The following ST8SIA5 variants were observed in gnomAD, a reference collection of about 807,000 sequenced individuals.
ST8SIA5 encodes the protein alpha-2,8-sialyltransferase 8E.
ST8SIA5 carries 24 observed loss-of-function variants against 40.2 expected under a neutral mutation model. The observed-to-expected ratio is 0.60, with a 90% CI of 0.43 to 0.84. The LOEUF is 0.84. Among genes scored for constraint, ST8SIA5 ranks in the 40% least tolerant of loss-of-function variants. The pLI, the probability that ST8SIA5 is intolerant of heterozygous loss-of-function variation, is 0.00. For synonymous variants in ST8SIA5, 198 were observed against 201.8 expected (o/e 0.98, Z 0.16); for missense variants, 465 against 498.5 (o/e 0.93, Z 0.64).
chr18:46,699,375 C>T (rs2039587940), intron 2 of ST8SIA5, among the ~76,000 whole-genome samples: 2 of 151,852 alleles, frequency 1.3e-5, no homozygotes, highest in African/African-American at 4.8e-5. Flanking sequence ...CTTCTTTCTC[C>T]CTCTTTTTTT....
At chr18:46,748,446 C>G (rs191231542) in intron 1 of ST8SIA5, among the ~76,000 whole-genome samples, 1 of 151,020 alleles carries the variant, frequency 6.6e-6, no homozygotes, top group Non-Finnish European at 1.5e-5. Flanking sequence ...TACCTGTAAT[C>G]CCAGCTACTC....
At chr18:46,697,863 C>T (rs1018339324) in intron 2 of ST8SIA5, among the ~76,000 whole-genome samples, 22 of 151,952 alleles carry the variant, frequency 1.4e-4, no homozygotes, top group African/African-American at 4.8e-4. Flanking sequence ...AAAAAGATTC[C>T]ACATTTCAGA....
chr18:46,678,546 C>G lies in ST8SIA5; in HGVS notation c.*1496G>C, dbSNP rs571201544. 1 of 152,378 alleles carries G rather than the reference C, an allele frequency of 6.6e-6. No homozygotes were observed. The highest frequency in any genetic ancestry group is 2.4e-5 in the African/African-American group (1 of 41,554). 9.4% of individuals were successfully genotyped at this position (152,378 alleles called of 1,614,324 possible). ...GGGTCTATAATCTCTGGGCCCTGCA[C>G]CCCCAGAAGACACAGATAATGCCTT... On this transcript the variant is annotated 3_prime_UTR_variant, in exon 7 of 7. Coordinates refer to ENST00000315087, the MANE Select transcript of ST8SIA5 (RefSeq NM_013305.6).
chr18:46,710,440 T>C (rs563756657), intron 1 of ST8SIA5, among the ~76,000 whole-genome samples: 2 of 151,342 alleles, frequency 1.3e-5, no homozygotes, highest in East Asian at 3.9e-4. Flanking sequence ...TCTTTCTTTT[T>C]CTTTTTCTTT....
rs752731256 is a variant in ST8SIA5 at position 46,686,816 on chromosome 18, C to CAAA, written c.457-533_457-531dup. 2.1e-3 allele frequency among the ~76,000 whole-genome samples: 257 copies of CAAA among 120,990 alleles called. 1 individual carries two copies. Among genetic ancestry groups the CAAA allele is most frequent in the Non-Finnish European group, 3.2e-3 (189 of 58,894 alleles). The allele number at this position is 120,990 out of a possible 152,430, so 79.4% of individuals were successfully genotyped here. A position where few individuals can be genotyped will look rare whatever the true frequency, so the allele number is the denominator to read the frequency against. Reference sequence around the variant, plus strand: ...CTATTAGACTTGTACCAGAGAAAGGCAAAAAAAAAAAAAAAAATAGTCATT... The same window carrying CAAA: ...CTATTAGACTTGTACCAGAGAAAGGCAAAAAAAAAAAAAAAAAAAATAGTCATT... On this transcript the variant is annotated intron_variant, in intron 4 of 6. Transcript: ENST00000315087.
Position 46,714,425 on chromosome 18 carries a change from G to C in ST8SIA5, c.132-9761C>G, listed in dbSNP as rs186769371. Among the ~76,000 whole-genome samples, 127 of 152,326 alleles carry C rather than the reference G, an allele frequency of 8.3e-4. 1 individual carries two copies. The highest frequency in any genetic ancestry group is 3.0e-3 in the African/African-American group (124 of 41,572). ...AAATTCTCAAAGATGGTCTACAAGG[G>C]AGGAAGCACAGGATCGTGAAGAAGG... On this transcript the variant is annotated intron_variant, in intron 1 of 6. Coordinates refer to ENST00000315087, the MANE Select transcript of ST8SIA5 (RefSeq NM_013305.6).
rs370776863 is a variant in ST8SIA5, at chr18:46,680,178, T to C, written c.995A>G (p.Tyr332Cys). The C allele has an allele frequency of 2.8e-5, 45 of 1,614,068 alleles. No individual in the cohort carries two copies. Among genetic ancestry groups the C allele is most frequent in the Non-Finnish European group, 3.3e-5 (39 of 1,180,022 alleles). ...WAFPMNPSGLYITHHYYDNVK... is the reference protein window; with the variant it reads ...WAFPMNPSGLCITHHYYDNVK... ...GTTGTCATAGTAGTGGTGAGTGATG[T>C]AGAGGCCCGAGGGGTTCATGGGGAA... Residue 332 changes from tyrosine (Y) to cysteine (C), a missense_variant, in exon 7 of 7, where the codon TAC becomes TGC. Tyr to Cys is a radical substitution (Grantham distance 194). Transcript: ENST00000315087.
rs2039359590 is a variant in ST8SIA5 at position 46,679,117 on chromosome 18, G to C, written c.*925C>G. 6.6e-6 allele frequency: 1 copy of C among 152,254 alleles called. No individual in the cohort carries two copies. The allele number at this position is 152,254 out of a possible 1,614,324, so 9.4% of individuals were successfully genotyped here. On this transcript the variant is annotated 3_prime_UTR_variant, in exon 7 of 7. Transcript: ENST00000315087. The stretch of plus-strand genomic sequence containing the variant: ...ACAGCAGGATTCTGCAGGATTCAGA[G>C]ACATGAGAGGAAGAGGTCTTTATAA...
rs1386276293 is a variant in ST8SIA5 at position 46,674,494 on chromosome 18, T to C, written c.*5548A>G. ...ACAATTTCCCCAAGGTGTTACTCAG[T>C]TTATTAGCGGGGTATCCTGAACTGC... On this transcript the variant is annotated 3_prime_UTR_variant, in exon 7 of 7. Transcript: ENST00000315087. 2 of 152,120 alleles carry C rather than the reference T, an allele frequency of 1.3e-5. No homozygotes were observed. Among genetic ancestry groups the C allele is most frequent in the African/African-American group, 2.4e-5 (1 of 41,404 alleles). 9.4% of individuals were successfully genotyped at this position (152,120 alleles called of 1,614,324 possible). A position where few individuals can be genotyped will look rare whatever the true frequency, so the allele number is the denominator to read the frequency against.
intron 1 of ST8SIA5, among the ~76,000 whole-genome samples, chr18:46,708,299 T>C: frequency 6.6e-6 from 1 of 152,124 alleles, no homozygotes; most frequent in Admixed American, 6.5e-5. Context: ...ACATCCTCCT[T>C]CTGCTGTGAT....
rs904129608 is a variant in ST8SIA5, at chr18:46,672,885, C to G, written c.*7157G>C. 1 of 152,240 alleles carries G rather than the reference C, an allele frequency of 6.6e-6. No homozygotes were observed. Among genetic ancestry groups the G allele is most frequent in the African/African-American group, 2.4e-5 (1 of 41,454 alleles). The allele number at this position is 152,240 out of a possible 1,614,324, so 9.4% of individuals were successfully genotyped here. ...ATTTCTGCTTTAGGGACACCCAAAA[C>G]AGTTAATGTCATTTGAGAGCTGCTT... On this transcript the variant is annotated 3_prime_UTR_variant, in exon 7 of 7. Transcript: ENST00000315087.
At chr18:46,713,040 G>C (rs2039749021) in intron 1 of ST8SIA5, among the ~76,000 whole-genome samples, 2 of 152,178 alleles carry the variant, frequency 1.3e-5, no homozygotes, top group South Asian at 2.1e-4. Context: ...AGGTCAGAGA[G>C]GTGAGCAAAG....
rs770164711 is a variant in ST8SIA5 at position 46,756,514 on chromosome 18, C to T, written c.-6G>A. 3.1e-6 allele frequency: 5 copies of T among 1,611,880 alleles called. No homozygotes were observed. The highest frequency in any genetic ancestry group is 4.2e-6 in the Non-Finnish European group (5 of 1,178,688). ...GAGGGGTCCGCGTAGCGCATCCTGG[C>T]TACCGGGCGCCGCGGGCGCGGGGTA... On this transcript the variant is annotated 5_prime_UTR_variant, in exon 1 of 7. Coordinates refer to ENST00000315087, the MANE Select transcript of ST8SIA5 (RefSeq NM_013305.6).
intron 2 of ST8SIA5, among the ~76,000 whole-genome samples, chr18:46,696,104 T>C (rs1282935032): frequency 6.6e-6 from 1 of 151,858 alleles, no homozygotes; most frequent in Non-Finnish European, 1.5e-5. Flanking sequence ...GACACAGGAG[T>C]GAGCTGTGCA....
At chr18:46,718,329 C>CAAAA (rs34073971) in intron 1 of ST8SIA5, among the ~76,000 whole-genome samples, 4 of 128,654 alleles carry the variant, frequency 3.1e-5, no homozygotes, top group African/African-American at 1.2e-4. Flanking sequence ...AACTCTGTCT[C>CAAAA]AAAAAAAAAA....
intron 1 of ST8SIA5, among the ~76,000 whole-genome samples, chr18:46,729,158 G>A (rs3893057): frequency 0.12 from 18,194 of 151,922 alleles, 1,276 homozygotes; most frequent in Middle Eastern, 0.14. Flanking sequence ...AGCCCACCAG[G>A]CCGTCCCACC....
intron 1 of ST8SIA5, among the ~76,000 whole-genome samples, chr18:46,720,731 T>C (rs1264544712): frequency 6.6e-6 from 1 of 152,132 alleles, no homozygotes; most frequent in Non-Finnish European, 1.5e-5. Flanking sequence ...AGAGACAGTA[T>C]CCTGCCTCAT....
chr18:46,727,660 A>G (rs2039944108), intron 1 of ST8SIA5, among the ~76,000 whole-genome samples: 1 of 152,142 alleles, frequency 6.6e-6, no homozygotes, highest in Admixed American at 6.6e-5. Context: ...CATTAGTATC[A>G]CCATTTCACA....
intron 1 of ST8SIA5, among the ~76,000 whole-genome samples, chr18:46,722,783 C>T (rs2039876244): frequency 6.6e-6 from 1 of 152,212 alleles, no homozygotes; most frequent in African/African-American, 2.4e-5. Flanking sequence ...GGCAAAATTG[C>T]CCCAGTTGAG....
Sources: allele counts gnomAD v4.1 joint callset (sites outside exome capture counted in the v4.1 genomes callset), GRCh38; gene constraint gnomAD v4.1.1; transcripts MANE v1.5; gene names NCBI Gene and HGNC (gene_info 2026-07-23, HGNC 2026-07-21).